The following IAH1 variants were observed in gnomAD, a reference collection of about 807,000 sequenced individuals.
IAH1 encodes the protein isoamyl acetate hydrolyzing esterase 1 (putative), also known as isoamyl acetate-hydrolyzing esterase 1 homolog.
A neutral mutation model predicts 26.7 loss-of-function variants in IAH1; 24 were observed. That is an observed-to-expected ratio of 0.90 (90% CI 0.65 to 1.26). The LOEUF (loss-of-function observed/expected upper bound fraction) is 1.26. Ranked by LOEUF, IAH1 falls within the 50% of genes most tolerant of loss-of-function variation. The pLI is 0.00. For missense variants in IAH1, 300 were observed against 299.9 expected, an observed-to-expected ratio of 1.00 and a Z score of 0.00; for synonymous variants, 140 against 118.5, an observed-to-expected ratio of 1.18 and a Z score of -1.18.
In IAH1 at chr2:9,484,816, C is replaced by T. The variant is rs746255840; in HGVS notation, c.564+266C>T. On this transcript the variant is annotated intron_variant, in intron 5 of 5. Transcript: ENST00000497473. ...GCAACACATGGCTCATATTTATGAA[C>T]GTCCAGGCCAAGTTCTTCTTTCATA... is the stretch of plus-strand genomic sequence containing the variant. 6 of 359,482 alleles carry T rather than the reference C, an allele frequency of 1.7e-5. 1 individual carries two copies. In the East Asian group the frequency reaches 2.6e-4, roughly 15 times the overall value. 22.3% of individuals were successfully genotyped at this position (359,482 alleles called of 1,614,324 possible). A position where few individuals can be genotyped will look rare whatever the true frequency, so the allele number is the denominator to read the frequency against.
chr2:9,499,266 TTG>T (rs1380846618), downstream of IAH1, among the ~76,000 whole-genome samples: 5 of 152,288 alleles, frequency 3.3e-5, no homozygotes, highest in Admixed American at 3.3e-4. Context: ...CGTTTTCAAA[TTG>T]TTTTACTTAC....
At chr2:9,479,351 C>T (rs1368109456) in intron 3 of IAH1, among the ~76,000 whole-genome samples, 1 of 151,724 alleles carries the variant, frequency 6.6e-6, no homozygotes, top group Admixed American at 6.6e-5. Flanking sequence ...AAATAGGCTG[C>T]GAAAAAACTG....
the IAH1 span, among the ~76,000 whole-genome samples, chr2:9,505,824 TCTC>T: frequency 3.1e-3 from 476 of 152,282 alleles, 4 homozygotes; most frequent in African/African-American, 0.011. Flanking sequence ...AGGGGTTTCT[TCTC>T]CTTCTTTGGC....
At chr2:9,493,633 A>G, downstream of IAH1, 1 of 837,898 alleles carries the variant, frequency 1.2e-6, no homozygotes, top group Non-Finnish European at 1.9e-6. Flanking sequence ...AAAGCTGTGA[A>G]TAGTTCCACC....
At chr2:9,505,420 C>T in the IAH1 span, 3 of 1,525,360 alleles carry the variant, frequency 2.0e-6, no homozygotes, top group East Asian at 4.5e-5. Context: ...AATGTATTCC[C>T]ATGCAATGTT....
At chr2:9,504,827 C>A in the IAH1 span, among the ~76,000 whole-genome samples, 1 of 151,108 alleles carries the variant, frequency 6.6e-6, no homozygotes, top group Non-Finnish European at 1.5e-5. Context: ...CATGCAAGGT[C>A]AAGGATTTTG....
At chr2:9,475,308 C>G (rs1682419160) in intron 1 of IAH1, 1 of 760,304 alleles carries the variant, frequency 1.3e-6, no homozygotes, top group East Asian at 6.5e-5. Context: ...TGTGTATACG[C>G]CAGTAACTGG....
chr2:9,481,373 C>G lies in IAH1; in HGVS notation c.371C>G (p.Pro124Arg), dbSNP rs927805736. The G allele has an allele frequency of 1.2e-6, 2 of 1,614,042 alleles. No homozygotes were observed. Among genetic ancestry groups the G allele is most frequent in the African/African-American group, 2.7e-5 (2 of 74,940 alleles). Residue 124 changes from proline to arginine, a missense_variant, in exon 4 of 6, where the codon CCT (proline) becomes CGT (arginine). Pro to Arg is a moderately radical substitution (Grantham distance 103). Transcript: ENST00000497473. ...CAGTACCTGAAGTCCGTGGACATCC[C>G]TGAGAATCGAGTCATTCTCATCACG... ...MVQYLKSVDI[P>R]ENRVILITPT... is the part of the protein sequence containing the mutation.
the IAH1 span, among the ~76,000 whole-genome samples, chr2:9,502,977 A>G: frequency 6.6e-6 from 1 of 151,450 alleles, no homozygotes; most frequent in Non-Finnish European, 1.5e-5. Context: ...CGTCTCTACT[A>G]AAGATACAAA....
At chr2:9,504,799 G>A in the IAH1 span, among the ~76,000 whole-genome samples, 1 of 151,720 alleles carries the variant, frequency 6.6e-6, no homozygotes, top group Non-Finnish European at 1.5e-5. Flanking sequence ...TTAACTATAG[G>A]ACTGCTAAAC....
At chr2:9,498,312 A>C (rs1662769521), downstream of IAH1, among the ~76,000 whole-genome samples, 1 of 152,216 alleles carries the variant, frequency 6.6e-6, no homozygotes, top group Admixed American at 6.5e-5. Flanking sequence ...AATGATAGGC[A>C]TGAGCCACTG....
At chr2:9,493,219 A>G (rs141389518), downstream of IAH1, among the ~76,000 whole-genome samples, 2 of 152,336 alleles carry the variant, frequency 1.3e-5, no homozygotes, top group East Asian at 3.9e-4. Context: ...AGAATATTCA[A>G]CATGTTACCT....
At position 9,489,174 on chromosome 2, in the gene IAH1, T is replaced by C. The variant is rs1473737617; in HGVS notation, c.*845T>C. Reference sequence around the variant, plus strand: ...CTGTTTTTTTTGTTGTTGTTGTTGTTAAGAAATATCTCACCCTCTTATTCA... The same window carrying C: ...CTGTTTTTTTTGTTGTTGTTGTTGTCAAGAAATATCTCACCCTCTTATTCA... On this transcript the variant is annotated 3_prime_UTR_variant, in exon 6 of 6. Coordinates refer to ENST00000497473, the MANE Select transcript of IAH1 (RefSeq NM_001039613.3). 1 of 151,996 alleles carries C rather than the reference T, an allele frequency of 6.6e-6. No individual in the cohort carries two copies. Among genetic ancestry groups the C allele is most frequent in the Non-Finnish European group, 1.5e-5 (1 of 68,024 alleles). 9.4% of individuals were successfully genotyped at this position (151,996 alleles called of 1,614,324 possible). A position where few individuals can be genotyped will look rare whatever the true frequency, so the allele number is the denominator to read the frequency against.
chr2:9,505,694 C>T, the IAH1 span: 5 of 287,018 alleles, frequency 1.7e-5, no homozygotes, highest in East Asian at 7.7e-5. Flanking sequence ...ACAGAGAGCT[C>T]GTAGCTCCAT....
chr2:9,476,004 T>C lies in IAH1; in HGVS notation c.99T>C (p.Gly33=). Residue 33 remains glycine (G), a synonymous_variant, in exon 2 of 6, where the codon GGT becomes GGC. Transcript: ENST00000497473. ...DSITQFSFQQ[G]GWGASLADRL... is the part of the protein sequence containing the mutation. ...TCCTCCAGTTTTCCTTCCAGCAGGG[T>C]GGATGGGGAGCATCGCTGGCTGACA... 2.5e-6 allele frequency: 4 copies of C among 1,613,670 alleles called. No homozygotes were observed. Among genetic ancestry groups the C allele is most frequent in the African/African-American group, 2.7e-5 (2 of 74,966 alleles).
At chr2:9,488,009 T>G (rs1464089184) in intron 5 of IAH1, 138 bp from the exon 6 acceptor site, 2 of 576,856 alleles carry the variant, frequency 3.5e-6, no homozygotes, top group Non-Finnish European at 5.8e-6. Context: ...AATTTTTGTA[T>G]TTTTAAAATT....
chr2:9,481,171 TAAAC>T, intron 3 of IAH1, 111 bp from the exon 4 acceptor site: 3 of 1,131,302 alleles, frequency 2.7e-6, no homozygotes, highest in East Asian at 4.7e-5. Flanking sequence ...TCCTTGGTGT[TAAAC>T]AATCCCCCCA....
rs761626134 is a variant in IAH1, at chr2:9,488,233, G to GA, written c.656dup (p.Val220GlyfsTer20). The GA allele has an allele frequency of 3.7e-6, 6 of 1,613,460 alleles. No individual in the cohort carries two copies. In the East Asian group the frequency reaches 1.3e-4, roughly 36 times the overall value. On this transcript the variant is annotated frameshift_variant, in exon 6 of 6. Transcript: ENST00000497473. LOFTEE classifies it high-confidence loss of function. ...TCTCGCATCTCTGGCCTTTGATAGA[G>GA]AAAAAGGTCTCTTCTCTACCTTTGC...
At chr2:9,510,571 G>A in the IAH1 span, among the ~76,000 whole-genome samples, 2 of 152,102 alleles carry the variant, frequency 1.3e-5, no homozygotes, top group South Asian at 4.1e-4. Flanking sequence ...GGCTGAGGCA[G>A]GAGAACTGCT....
Sources: allele counts gnomAD v4.1 joint callset (sites outside exome capture counted in the v4.1 genomes callset), GRCh38; gene constraint gnomAD v4.1.1; transcripts MANE v1.5; gene names NCBI Gene and HGNC (gene_info 2026-07-23, HGNC 2026-07-21).